KIF26B: variants seen among roughly 807,000 people sequenced by gnomAD.
KIF26B encodes the protein kinesin family member 26B.
In KIF26B, 63 loss-of-function variants were observed where a neutral mutation model predicts 151.2. That is an observed-to-expected ratio of 0.42 (90% CI 0.34 to 0.51). KIF26B has a LOEUF of 0.51. Ranked by LOEUF, KIF26B falls within the 20% of genes least tolerant of loss-of-function variation. The probability of loss-of-function intolerance (pLI) is 0.07; values close to 1 mark genes in which losing one functional copy is unlikely to be tolerated. For missense variants in KIF26B, 2,813 were observed against 2,913.6 expected, an observed-to-expected ratio of 0.97 and a Z score of 0.79; for synonymous variants, 1,357 against 1,262.1, an observed-to-expected ratio of 1.08 and a Z score of -1.59.
intron 12 of KIF26B, among the ~76,000 whole-genome samples, chr1:245,695,805 T>C (rs2044685647): frequency 1.8e-5 from 2 of 114,182 alleles, no homozygotes; most frequent in South Asian, 2.7e-4. Flanking sequence ...TTGGCAGGAC[T>C]CTCCAGGTGT....
chr1:245,178,577 C>T (rs545306144), intron 2 of KIF26B, among the ~76,000 whole-genome samples: 1 of 152,368 alleles, frequency 6.6e-6, no homozygotes, highest in South Asian at 2.1e-4. Flanking sequence ...CATCCACCCA[C>T]TTCCATCATC....
At chr1:245,420,999 C>T (rs1449554512) in intron 4 of KIF26B, among the ~76,000 whole-genome samples, 1 of 152,048 alleles carries the variant, frequency 6.6e-6, no homozygotes, top group Non-Finnish European at 1.5e-5. Context: ...TGTTTATTGT[C>T]GTATGAACAC....
chr1:245,383,404 CCACTCTCCAG>C (rs1473551048), intron 3 of KIF26B, among the ~76,000 whole-genome samples: 2 of 152,164 alleles, frequency 1.3e-5, no homozygotes, highest in Non-Finnish European at 2.9e-5. Flanking sequence ...CGTGCAGGGT[CCACTCTCCAG>C]CTTAGAGATT....
intron 2 of KIF26B, among the ~76,000 whole-genome samples, chr1:245,296,784 T>A (rs1671344784): frequency 6.6e-6 from 1 of 152,242 alleles, no homozygotes; most frequent in Non-Finnish European, 1.5e-5. Flanking sequence ...GGGAGCTCAG[T>A]CAACATTCAG....
chr1:245,205,813 C>T, intron 2 of KIF26B, among the ~76,000 whole-genome samples: 1 of 151,220 alleles, frequency 6.6e-6, no homozygotes, highest in Non-Finnish European at 1.5e-5. Context: ...GCTCAAGTGA[C>T]CCTCCTGACT....
chr1:245,474,052 A>T (rs1429140530), intron 4 of KIF26B, among the ~76,000 whole-genome samples: 1 of 151,552 alleles, frequency 6.6e-6, no homozygotes, highest in East Asian at 1.9e-4. Flanking sequence ...GCTATTTTGA[A>T]ATATACAATA....
At chr1:245,475,600 A>G (rs1660017973) in intron 4 of KIF26B, among the ~76,000 whole-genome samples, 1 of 151,914 alleles carries the variant, frequency 6.6e-6, no homozygotes, top group African/African-American at 2.4e-5. Context: ...TGCATTTGAT[A>G]TTTCTCCAAT....
intron 5 of KIF26B, among the ~76,000 whole-genome samples, chr1:245,559,161 G>A (rs544548794): frequency 8.5e-5 from 13 of 152,062 alleles, no homozygotes; most frequent in African/African-American, 2.4e-4. Context: ...CCTGGGCAAC[G>A]TAGGGAGACC....
chr1:245,562,088 C>G (rs544394269), intron 5 of KIF26B, among the ~76,000 whole-genome samples: 1 of 152,112 alleles, frequency 6.6e-6, no homozygotes, highest in African/African-American at 2.4e-5. Flanking sequence ...CACTGATACT[C>G]GTCCTCCAGC....
In KIF26B at chr1:245,486,207, G is replaced by T. The variant is rs1358688325; in HGVS notation, c.1167-54560G>T. 2.6e-5 allele frequency among the ~76,000 whole-genome samples: 4 copies of T among 152,194 alleles called. No individual in the cohort carries two copies. The East Asian group carries it at 7.7e-4, about 29-fold the overall frequency. On this transcript the variant is annotated intron_variant, in intron 4 of 14. Coordinates refer to ENST00000407071, the MANE Select transcript of KIF26B (RefSeq NM_018012.4). ...TAATAGTTCCCTTTTGTCCATTTGG[G>T]CTGAAACTGCTTCAGTAAGCATTTT...
chr1:245,645,805 C>T (rs2043939389), intron 9 of KIF26B, among the ~76,000 whole-genome samples: 1 of 152,168 alleles, frequency 6.6e-6, no homozygotes, highest in African/African-American at 2.4e-5. Context: ...GAAACGTATC[C>T]TCCTGTAATT....
intron 10 of KIF26B, among the ~76,000 whole-genome samples, chr1:245,680,180 C>T (rs1416540411): frequency 6.6e-6 from 1 of 152,196 alleles, no homozygotes; most frequent in Non-Finnish European, 1.5e-5. Context: ...TACCCTGCCC[C>T]TTCCCTCCCC....
intron 9 of KIF26B, among the ~76,000 whole-genome samples, chr1:245,622,424 C>T (rs1420729366): frequency 6.6e-6 from 1 of 152,074 alleles, no homozygotes; most frequent in Non-Finnish European, 1.5e-5. Flanking sequence ...CAGTGGTTGC[C>T]GAATATTTTC....
chr1:245,410,924 G>T (rs572949278), intron 3 of KIF26B, among the ~76,000 whole-genome samples: 8 of 112,414 alleles, frequency 7.1e-5, no homozygotes, highest in Non-Finnish European at 1.2e-4. Context: ...ATAACTCTAT[G>T]AATTTGACTA....
intron 2 of KIF26B, among the ~76,000 whole-genome samples, chr1:245,182,957 CTT>C (rs931532138): frequency 1.5e-4 from 23 of 152,226 alleles, no homozygotes; most frequent in African/African-American, 5.5e-4. Flanking sequence ...CTTCCAAACT[CTT>C]TTCCCAAATG....
At chr1:245,612,257 C>T (rs1444717806) in intron 9 of KIF26B, among the ~76,000 whole-genome samples, 1 of 152,110 alleles carries the variant, frequency 6.6e-6, no homozygotes, top group Non-Finnish European at 1.5e-5. Flanking sequence ...ACTACAGGCT[C>T]ATGCCACCAC....
In KIF26B at chr1:245,306,844, C is replaced by T. The variant is rs183642743; in HGVS notation, c.466-59990C>T. On this transcript the variant is annotated intron_variant, in intron 2 of 14. Transcript: ENST00000407071. ...TATCTGATCGAGAGCTCTTTAAGGC[C>T]GGGATGTCGGCTTGCTCATATTGGC... 1.2e-3 allele frequency among the ~76,000 whole-genome samples: 181 copies of T among 152,206 alleles called. 1 individual carries two copies. The highest frequency in any genetic ancestry group is 4.2e-3 in the African/African-American group (174 of 41,520).
chr1:245,482,136 G>A (rs1214648357), intron 4 of KIF26B, among the ~76,000 whole-genome samples: 1 of 151,848 alleles, frequency 6.6e-6, no homozygotes, highest in East Asian at 1.9e-4. Flanking sequence ...CTGTCACCCA[G>A]GCTGGAGTGC....
At chr1:245,573,260 A>C (rs2043082944) in intron 5 of KIF26B, among the ~76,000 whole-genome samples, 1 of 152,218 alleles carries the variant, frequency 6.6e-6, no homozygotes, top group Non-Finnish European at 1.5e-5. Context: ...GCAGCGGCTC[A>C]CGCCTGTAAT....
Sources: gnomAD v4.1 joint callset for allele counts (sites outside exome capture counted in the v4.1 genomes callset) on GRCh38, gnomAD v4.1.1 for gene constraint, MANE v1.5 for transcripts, NCBI Gene and HGNC (gene_info 2026-07-23, HGNC 2026-07-21) for gene names.